Variants in MYT1 observed in about 807,000 individuals in gnomAD.
MYT1 encodes myelin transcription factor 1.
In MYT1, 23 loss-of-function variants were observed where a neutral mutation model predicts 123.0. That is an observed-to-expected ratio of 0.19 (90% CI 0.13 to 0.26). The LOEUF (loss-of-function observed/expected upper bound fraction) is 0.26, where lower values mean the gene tolerates loss of function less well. Ranked by LOEUF, MYT1 falls within the 10% of genes least tolerant of loss-of-function variation. The pLI is 1.00. For synonymous variants in MYT1, 518 were observed against 575.3 expected (o/e 0.90, Z 1.43); for missense variants, 1,125 against 1,472.5 (o/e 0.76, Z 3.86).
At chr20:64,184,831 G>A (rs1003472700) in intron 1 of MYT1, among the ~76,000 whole-genome samples, 14 of 152,228 alleles carry the variant, frequency 9.2e-5, no homozygotes, top group African/African-American at 1.4e-4. Flanking sequence ...AGCAGATATT[G>A]TGGGCAGCGA....
chr20:64,184,869 A>G (rs550751331), intron 1 of MYT1, among the ~76,000 whole-genome samples: 1 of 152,316 alleles, frequency 6.6e-6, no homozygotes, highest in South Asian at 2.1e-4. Flanking sequence ...GCCATCTGAC[A>G]TGGGGTGGCC....
rs1983331081 is a variant in MYT1 at position 64,202,004 on chromosome 20, TGTCGGGAACCCCTC to T, written c.86+2084_86+2097del. ...CCCCCGCGTGTCGGGAACCCCCGCG[TGTCGGGAACCCCTC>T]GCGTGTCGGGAACCCCCGCGTGTCG... On this transcript the variant is annotated intron_variant, in intron 4 of 22. Transcript: ENST00000328439. The surrounding 1 kb of genome is among the most constrained non-coding windows in gnomAD (Gnocchi z 5.0). 8.1e-6 allele frequency among the ~76,000 whole-genome samples: 1 copy of T among 124,194 alleles called. No individual in the cohort carries two copies. The highest frequency in any genetic ancestry group is 1.9e-5 in the Non-Finnish European group (1 of 52,510). 81.5% of individuals were successfully genotyped at this position (124,194 alleles called of 152,430 possible). A position where few individuals can be genotyped will look rare whatever the true frequency, so the allele number is the denominator to read the frequency against.
chr20:64,182,226 T>C (rs1202477878), intron 1 of MYT1, among the ~76,000 whole-genome samples: 1 of 152,208 alleles, frequency 6.6e-6, no homozygotes, highest in Non-Finnish European at 1.5e-5. Flanking sequence ...GGGCCCAGCT[T>C]TTCAGTTTCA....
chr20:64,170,829 C>A (rs1012476381), intron 1 of MYT1, among the ~76,000 whole-genome samples: 1 of 127,584 alleles, frequency 7.8e-6, no homozygotes, highest in Non-Finnish European at 1.6e-5. Context: ...CTCCCCATGA[C>A]ACAGATAGAC....
chr20:64,219,719 G>T lies in MYT1; in HGVS notation c.1978G>T (p.Asp660Tyr). 2 of 1,610,698 alleles carry T rather than the reference G, an allele frequency of 1.2e-6. No individual in the cohort carries two copies. Among genetic ancestry groups the T allele is most frequent in the Non-Finnish European group, 1.7e-6 (2 of 1,177,576 alleles). The change falls in exon 13 of 23, where the codon GAT becomes TAT. Residue 660 changes from aspartate to tyrosine, a missense_variant. Around this residue, in one of 4 missense-constraint regions of MYT1, gnomAD observed 429 missense variants for 604.1 expected, o/e 0.71. Coordinates refer to ENST00000328439, the MANE Select transcript of MYT1 (RefSeq NM_004535.3). Reference sequence around the variant, plus strand: ...CTCACCTTTGCCATTGCAGTCTGTGGATATCGAGGTAGACGAAAATGGAAC... The same window carrying T: ...CTCACCTTTGCCATTGCAGTCTGTGTATATCGAGGTAGACGAAAATGGAAC... Reference protein sequence around the residue: ...KPQDLPSKSVDIEVDENGTLD... With the variant: ...KPQDLPSKSVYIEVDENGTLD...
chr20:64,178,368 G>T (rs972857356), intron 1 of MYT1, among the ~76,000 whole-genome samples: 1 of 152,236 alleles, frequency 6.6e-6, no homozygotes, highest in Non-Finnish European at 1.5e-5. Flanking sequence ...CCATTCAGGG[G>T]TGGGTTCAGA....
intron 1 of MYT1, among the ~76,000 whole-genome samples, chr20:64,171,296 G>T (rs1259226927): frequency 6.6e-6 from 1 of 152,148 alleles, no homozygotes; most frequent in African/African-American, 2.4e-5. Flanking sequence ...GTCCTGTAAG[G>T]AGTCTGCTTC....
Position 64,240,918 on chromosome 20 carries a change from C to T in MYT1, c.*470C>T, listed in dbSNP as rs41309379. The T allele has an allele frequency of 0.087, 13,760 of 157,890 alleles. 787 individuals are homozygous for T. Among genetic ancestry groups the T allele is most frequent in the South Asian group, 0.22 (1,129 of 5,192 alleles). The allele number at this position is 157,890 out of a possible 1,614,324, so 9.8% of individuals were successfully genotyped here. A position where few individuals can be genotyped will look rare whatever the true frequency, so the allele number is the denominator to read the frequency against. On this transcript the variant is annotated 3_prime_UTR_variant, in exon 23 of 23. Coordinates refer to ENST00000328439, the MANE Select transcript of MYT1 (RefSeq NM_004535.3). ...TCAGTGAGGGCCGATGAAGAAAGTG[C>T]GTTTTCTGTTTTCATTTAATTCAGT...
intron 1 of MYT1, among the ~76,000 whole-genome samples, chr20:64,176,352 C>T (rs1209935022): frequency 4.8e-5 from 6 of 125,604 alleles, no homozygotes; most frequent in African/African-American, 1.8e-4. Flanking sequence ...GCATCTTTCC[C>T]TGTAGTTGTG....
At chr20:64,215,759 G>GTT (rs5842445) in intron 10 of MYT1, among the ~76,000 whole-genome samples, 9 of 139,988 alleles carry the variant, frequency 6.4e-5, no homozygotes, top group Admixed American at 1.4e-4. Flanking sequence ...TTTTTTTTGC[G>GTT]TTTTTTTTTT....
chr20:64,208,279 A>G lies in MYT1; in HGVS notation c.1083A>G (p.Ser361=), dbSNP rs1983560390. The G allele has an allele frequency of 6.2e-7, 1 of 1,614,174 alleles. No individual in the cohort carries two copies. Among genetic ancestry groups the G allele is most frequent in the African/African-American group, 1.3e-5 (1 of 75,056 alleles). The part of the protein sequence containing the change: ...DKDEDTHSRK[S]TVTDESEMQD... ...ACGAGGACACCCACTCCCGGAAGTC[A>G]ACAGTCACTGACGAGTCGGAGATGC... The change falls in exon 7 of 23, where the codon TCA becomes TCG. Residue 361 remains serine, a synonymous_variant. Coordinates refer to ENST00000328439, the MANE Select transcript of MYT1 (RefSeq NM_004535.3). This position sits in a 1 kb window ranked among gnomAD's most constrained non-coding sequence, Gnocchi z 5.4.
Position 64,223,159 on chromosome 20 carries a change from C to T in MYT1, c.2445C>T (p.Tyr815=), listed in dbSNP as rs752932508. ...CDGSGHITGN[Y]ASHRSLSGCP... ...GCAGCGGCCACATCACCGGGAACTA[C>T]GCCTCCCACCGCAGGTTTGTCTCCT... is the stretch of plus-strand genomic sequence containing the variant. The change falls in exon 15 of 23, where the codon TAC becomes TAT. Residue 815 remains tyrosine (Y), a synonymous_variant. Transcript: ENST00000328439. 1.6e-5 allele frequency: 26 copies of T among 1,614,100 alleles called. No individual in the cohort carries two copies. The highest frequency in any genetic ancestry group is 6.7e-5 in the African/African-American group (5 of 74,950).
At chr20:64,215,346 C>T (rs1470910499) in intron 10 of MYT1, among the ~76,000 whole-genome samples, 8 of 152,114 alleles carry the variant, frequency 5.3e-5, no homozygotes, top group African/African-American at 1.9e-4. Context: ...GACACTCTGC[C>T]GCCCTCAGCC....
chr20:64,215,691 C>A (rs888956657), intron 10 of MYT1, among the ~76,000 whole-genome samples: 1 of 151,820 alleles, frequency 6.6e-6, no homozygotes, highest in Non-Finnish European at 1.5e-5. Context: ...CTCAAGTGAT[C>A]CTCCCACCTC....
At chr20:64,183,979 C>G (rs191408992) in intron 1 of MYT1, among the ~76,000 whole-genome samples, 227 of 152,202 alleles carry the variant, frequency 1.5e-3, no homozygotes, top group African/African-American at 5.3e-3. Context: ...CACCGCCATA[C>G]CCAGCTAATT....
chr20:64,169,201 A>G (rs968950144), intron 1 of MYT1, among the ~76,000 whole-genome samples: 2 of 151,978 alleles, frequency 1.3e-5, no homozygotes, highest in African/African-American at 2.4e-5. Context: ...GGGAGTTTGG[A>G]TGCTCCATGG....
chr20:64,165,235 G>A (rs1297651842), intron 1 of MYT1, among the ~76,000 whole-genome samples: 6 of 152,012 alleles, frequency 3.9e-5, no homozygotes, highest in Non-Finnish European at 7.4e-5. Context: ...AGGTGCTCAC[G>A]TGAACGTTTT....
At chr20:64,183,452 A>G (rs1252481301) in intron 1 of MYT1, among the ~76,000 whole-genome samples, 2 of 152,098 alleles carry the variant, frequency 1.3e-5, no homozygotes, top group South Asian at 2.1e-4. Context: ...CTGCCATGCC[A>G]TTTTCCAAGT....
At position 64,168,184 on chromosome 20, in the gene MYT1, C is replaced by T. The variant is rs184094801; in HGVS notation, c.-99+3445C>T. The stretch of plus-strand genomic sequence containing the variant: ...CAAAAATGAGCAAGAGGAATTTCAC[C>T]GGAATTAAAATGTTTTTGATCTCAG... On this transcript the variant is annotated intron_variant, in intron 1 of 22. Transcript: ENST00000328439. The surrounding 1 kb of genome is among the most constrained non-coding windows in gnomAD (Gnocchi z 6.1). Among the ~76,000 whole-genome samples the T allele has an allele frequency of 7.9e-5, 12 of 152,304 alleles. No homozygotes were observed. The highest frequency in any genetic ancestry group is 2.1e-4 in the South Asian group (1 of 4,826).
Sources: gnomAD v4.1 joint callset for allele counts (sites outside exome capture counted in the v4.1 genomes callset) on GRCh38, gnomAD v4.1.1 for gene constraint, gnomAD v4.1.1 regional missense constraint, Gnocchi (gnomAD v3.1) non-coding constraint, MANE v1.5 for transcripts, NCBI Gene and HGNC (gene_info 2026-07-23, HGNC 2026-07-21) for gene names.